CAMK4: variants seen among roughly 807,000 people sequenced by gnomAD.
CAMK4 encodes calcium/calmodulin-dependent protein kinase type IV.
A neutral mutation model predicts 44.9 loss-of-function variants in CAMK4; 22 were observed. That is an observed-to-expected ratio of 0.49 (90% CI 0.35 to 0.70). CAMK4 has a LOEUF of 0.70. CAMK4 is among the 30% of genes least tolerant of loss of function. CAMK4 has a pLI of 0.01. For synonymous variants in CAMK4, 218 were observed against 215.4 expected, an observed-to-expected ratio of 1.01 and a Z score of -0.11; for missense variants, 498 against 586.8, an observed-to-expected ratio of 0.85 and a Z score of 1.56.
intron 3 of CAMK4, among the ~76,000 whole-genome samples, chr5:111,376,437 G>A (rs561472988): frequency 9.2e-5 from 14 of 151,912 alleles, no homozygotes; most frequent in Non-Finnish European, 1.8e-4. Context: ...CTACCCTGCC[G>A]CAGACCCCTA....
At chr5:111,460,487 G>C (rs935487135) in intron 7 of CAMK4, among the ~76,000 whole-genome samples, 2 of 151,884 alleles carry the variant, frequency 1.3e-5, no homozygotes, top group African/African-American at 4.8e-5. Context: ...GCCCAGGCTG[G>C]TCTTGAACTC....
chr5:111,285,572 T>G (rs887623395), intron 1 of CAMK4, among the ~76,000 whole-genome samples: 3 of 152,230 alleles, frequency 2.0e-5, no homozygotes, highest in African/African-American at 7.2e-5. Flanking sequence ...TGGATGTAAT[T>G]TCTTAATTCA....
chr5:111,326,165 A>C (rs1167707202), intron 1 of CAMK4, among the ~76,000 whole-genome samples: 1 of 152,010 alleles, frequency 6.6e-6, no homozygotes, highest in East Asian at 1.9e-4. Context: ...TTAAAATGCT[A>C]AAAGTTGGCC....
intron 5 of CAMK4, among the ~76,000 whole-genome samples, chr5:111,411,106 G>A (rs975879004): frequency 2.6e-5 from 4 of 152,142 alleles, no homozygotes; most frequent in African/African-American, 9.7e-5. Flanking sequence ...AAAGGAATCA[G>A]CATTGGAAAA....
intron 1 of CAMK4, among the ~76,000 whole-genome samples, chr5:111,225,807 A>C (rs1748161611): frequency 6.6e-6 from 1 of 152,238 alleles, no homozygotes; most frequent in Non-Finnish European, 1.5e-5. Context: ...TAAAATAGGC[A>C]AACTTCTGAA....
chr5:111,335,559 T>G (rs1319088648), intron 1 of CAMK4, among the ~76,000 whole-genome samples: 1 of 151,362 alleles, frequency 6.6e-6, no homozygotes, highest in Non-Finnish European at 1.5e-5. Flanking sequence ...AGAAAAGTTA[T>G]TCCATATGAA....
chr5:111,310,789 A>G (rs184263241), intron 1 of CAMK4, among the ~76,000 whole-genome samples: 1 of 152,272 alleles, frequency 6.6e-6, no homozygotes, highest in East Asian at 1.9e-4. Flanking sequence ...GCAGAACTAT[A>G]ATAAGAATTG....
chr5:111,296,251 G>A (rs920078728), intron 1 of CAMK4, among the ~76,000 whole-genome samples: 27 of 152,162 alleles, frequency 1.8e-4, no homozygotes, highest in Non-Finnish European at 3.5e-4. Context: ...AAGAAGTTAA[G>A]CTTCCGTTTA....
At chr5:111,419,725 G>C (rs1017535526) in intron 5 of CAMK4, among the ~76,000 whole-genome samples, 11 of 151,920 alleles carry the variant, frequency 7.2e-5, no homozygotes, top group African/African-American at 9.7e-5. Flanking sequence ...TCTTGTTTTT[G>C]TCAGGTTTGT....
intron 1 of CAMK4, among the ~76,000 whole-genome samples, chr5:111,235,761 C>A (rs1254759966): frequency 1.3e-5 from 2 of 152,168 alleles, no homozygotes; most frequent in East Asian, 1.9e-4. Context: ...AGTGGTTGGC[C>A]TAAGGATCTG....
At chr5:111,315,800 T>C (rs1471952939) in intron 1 of CAMK4, among the ~76,000 whole-genome samples, 3 of 152,136 alleles carry the variant, frequency 2.0e-5, no homozygotes. Flanking sequence ...TTTTTTAAAG[T>C]CTGCAGCCAG....
chr5:111,310,430 G>A (rs1482062510), intron 1 of CAMK4, among the ~76,000 whole-genome samples: 1 of 152,214 alleles, frequency 6.6e-6, no homozygotes, highest in African/African-American at 2.4e-5. Context: ...AAAGAGGCAT[G>A]AGCCAATTGA....
At chr5:111,312,479 G>A (rs1748249045) in intron 1 of CAMK4, among the ~76,000 whole-genome samples, 1 of 152,056 alleles carries the variant, frequency 6.6e-6, no homozygotes, top group Admixed American at 6.6e-5. Context: ...TGAGTAACTG[G>A]GTAGTAGGTG....
At chr5:111,343,139 A>T (rs1429966927) in intron 1 of CAMK4, among the ~76,000 whole-genome samples, 2 of 151,750 alleles carry the variant, frequency 1.3e-5, no homozygotes, top group African/African-American at 4.8e-5. Flanking sequence ...ATTTGCATTT[A>T]CAACACACCA....
At chr5:111,334,950 A>G (rs924929949) in intron 1 of CAMK4, among the ~76,000 whole-genome samples, 2 of 149,950 alleles carry the variant, frequency 1.3e-5, no homozygotes, top group African/African-American at 4.9e-5. Context: ...CTCCCATTTA[A>G]AAAAAAAAGT....
intron 1 of CAMK4, among the ~76,000 whole-genome samples, chr5:111,279,757 A>G (rs73786868): frequency 0.012 from 1,776 of 152,226 alleles, 32 homozygotes; most frequent in African/African-American, 0.04. Context: ...ATGTGTGTGT[A>G]TATTTACCCA....
chr5:111,322,445 C>G (rs1224524502), intron 1 of CAMK4, among the ~76,000 whole-genome samples: 2 of 151,962 alleles, frequency 1.3e-5, no homozygotes, highest in South Asian at 2.1e-4. Context: ...TAGTTTTATC[C>G]TAATAACAAA....
At chr5:111,398,291 G>GCA (rs1752094901) in intron 5 of CAMK4, among the ~76,000 whole-genome samples, 2 of 152,166 alleles carry the variant, frequency 1.3e-5, no homozygotes, top group South Asian at 4.1e-4. Flanking sequence ...ACTTGACTCA[G>GCA]GCTTCCTTCC....
intron 1 of CAMK4, chr5:111,277,465 C>G (rs1489177373): frequency 1.3e-5 from 2 of 152,202 alleles, no homozygotes; most frequent in African/African-American, 2.4e-5. Flanking sequence ...GTTGCAATTT[C>G]AACAGACTAG....
Sources: allele counts gnomAD v4.1 joint callset (sites outside exome capture counted in the v4.1 genomes callset), GRCh38; gene constraint gnomAD v4.1.1; transcripts MANE v1.5; gene names NCBI Gene and HGNC (gene_info 2026-07-23, HGNC 2026-07-21).